CTNNA3: variants seen among roughly 807,000 people sequenced by gnomAD.
CTNNA3 encodes the protein catenin alpha 3.
CTNNA3 carries 76 observed loss-of-function variants against 95.7 expected under a neutral mutation model. The ratio of observed to expected loss-of-function variants is 0.79; its 90% CI spans 0.66 to 0.96. The LOEUF is 0.96. Among genes scored for constraint, CTNNA3 ranks in the 40% least tolerant of loss-of-function variants. The pLI is 0.00. For synonymous variants in CTNNA3, 431 were observed against 374.4 expected (o/e 1.15, Z -1.74); for missense variants, 1,191 against 1,089.8 (o/e 1.09, Z -1.31).
chr10:66,751,555 C>T (rs1050654770), intron 9 of CTNNA3, among the ~76,000 whole-genome samples: 1 of 152,088 alleles, frequency 6.6e-6, no homozygotes, highest in African/African-American at 2.4e-5. Flanking sequence ...GTGTGCTGTC[C>T]ATAGACATTG....
chr10:66,438,198 G>A (rs917125149), intron 11 of CTNNA3, among the ~76,000 whole-genome samples: 3 of 152,220 alleles, frequency 2.0e-5, no homozygotes, highest in Admixed American at 6.5e-5. Flanking sequence ...TGAGGAGGCA[G>A]TCTGTCCCTT....
intron 1 of CTNNA3, among the ~76,000 whole-genome samples, chr10:67,659,759 C>T (rs937800008): frequency 3.5e-4 from 54 of 152,336 alleles, no homozygotes; most frequent in African/African-American, 1.3e-3. Flanking sequence ...TGCTGCAAGT[C>T]CAGTGAGCCT....
chr10:67,324,041 T>C (rs1032239527), intron 5 of CTNNA3, among the ~76,000 whole-genome samples: 1 of 152,150 alleles, frequency 6.6e-6, no homozygotes, highest in African/African-American at 2.4e-5. Flanking sequence ...ATAGAAACAT[T>C]AGTAATTTTT....
At chr10:66,769,545 G>T (rs1237241955) in intron 8 of CTNNA3, among the ~76,000 whole-genome samples, 1 of 152,144 alleles carries the variant, frequency 6.6e-6, no homozygotes, top group Non-Finnish European at 1.5e-5. Flanking sequence ...TTGCTGGGGG[G>T]AACAGTTCCA....
intron 10 of CTNNA3, among the ~76,000 whole-genome samples, chr10:66,613,421 T>C (rs1489937781): frequency 6.6e-6 from 1 of 152,002 alleles, no homozygotes; most frequent in East Asian, 1.9e-4. Context: ...CCGTAAGTAT[T>C]TGTTGAATGA....
At chr10:66,256,322 T>A (rs2090771328) in intron 13 of CTNNA3, among the ~76,000 whole-genome samples, 1 of 152,102 alleles carries the variant, frequency 6.6e-6, no homozygotes, top group African/African-American at 2.4e-5. Context: ...TCCAAAGACG[T>A]CAGACAAAAA....
At chr10:66,504,659 T>G (rs1350763405) in intron 11 of CTNNA3, among the ~76,000 whole-genome samples, 1 of 152,150 alleles carries the variant, frequency 6.6e-6, no homozygotes. Flanking sequence ...TCCTAAAGGA[T>G]TCACCATATT....
intron 1 of CTNNA3, among the ~76,000 whole-genome samples, chr10:67,681,884 G>A (rs754767473): frequency 2.8e-4 from 43 of 152,230 alleles, no homozygotes; most frequent in Middle Eastern, 3.4e-3. Flanking sequence ...TCAGCCAGGC[G>A]TGGTGGCTCA....
chr10:67,112,049 T>TA (rs1387238345), intron 7 of CTNNA3, among the ~76,000 whole-genome samples: 8 of 152,270 alleles, frequency 5.3e-5, no homozygotes, highest in African/African-American at 1.9e-4. Context: ...GAAAAGCTAT[T>TA]AAATGAATCA....
chr10:67,478,408 G>C (rs1848097905), intron 5 of CTNNA3, among the ~76,000 whole-genome samples: 1 of 152,132 alleles, frequency 6.6e-6, no homozygotes, highest in Non-Finnish European at 1.5e-5. Flanking sequence ...ACATAAAGGG[G>C]AATCCCATCA....
At chr10:66,797,360 C>G (rs2132222698) in intron 7 of CTNNA3, among the ~76,000 whole-genome samples, 1 of 149,128 alleles carries the variant, frequency 6.7e-6, no homozygotes. Flanking sequence ...ACCACACTAG[C>G]AGCCCCACAA....
intron 9 of CTNNA3, among the ~76,000 whole-genome samples, chr10:66,633,255 A>G (rs926607922): frequency 4.0e-4 from 61 of 152,322 alleles, no homozygotes; most frequent in African/African-American, 1.3e-3. Context: ...TAAATATTTA[A>G]CAGTGGAGAA....
rs144684195 is a variant in CTNNA3, at chr10:67,323,292, C to T, written c.580-103422G>A. 7.2e-5 allele frequency among the ~76,000 whole-genome samples: 11 copies of T among 152,200 alleles called. No individual in the cohort carries two copies. The East Asian group carries it at 1.9e-3, about 27-fold the overall frequency. Reference sequence around the variant, plus strand: ...GTGTCTTTGTCATTAAATCATTGCCCATGCCTATGTACAGAATGGTATTGA... The same window carrying T: ...GTGTCTTTGTCATTAAATCATTGCCTATGCCTATGTACAGAATGGTATTGA... On this transcript the variant is annotated intron_variant, in intron 5 of 17. Transcript: ENST00000433211.
chr10:66,069,164 A>C (rs976494498), intron 15 of CTNNA3, 144 bp downstream of exon 15: 5 of 716,912 alleles, frequency 7.0e-6, no homozygotes, highest in Non-Finnish European at 1.2e-5. Context: ...AGAATTGTAC[A>C]CCTACAACTT....
chr10:67,715,849 C>T (rs556895309), intron 1 of CTNNA3, among the ~76,000 whole-genome samples: 58 of 152,262 alleles, frequency 3.8e-4, no homozygotes, highest in Non-Finnish European at 7.2e-4. Context: ...ACATTAGTAT[C>T]TACACAGGTG....
intron 5 of CTNNA3, among the ~76,000 whole-genome samples, chr10:67,271,273 G>T (rs576734725): frequency 6.6e-6 from 1 of 152,186 alleles, no homozygotes. Flanking sequence ...GAGAGACCAG[G>T]TGGAGTAATC....
At chr10:67,078,448 C>T (rs1402506162) in intron 7 of CTNNA3, among the ~76,000 whole-genome samples, 1 of 152,038 alleles carries the variant, frequency 6.6e-6, no homozygotes, top group Non-Finnish European at 1.5e-5. Flanking sequence ...TGTTACTCCC[C>T]TTAAATTATT....
chr10:67,108,654 A>G (rs1246664552), intron 7 of CTNNA3, among the ~76,000 whole-genome samples: 1 of 152,194 alleles, frequency 6.6e-6, no homozygotes, highest in Non-Finnish European at 1.5e-5. Context: ...TCACAGAGTA[A>G]ATGCTACTTG....
intron 11 of CTNNA3, among the ~76,000 whole-genome samples, chr10:66,443,573 T>C (rs1157036814): frequency 6.6e-6 from 1 of 152,020 alleles, no homozygotes; most frequent in Admixed American, 6.6e-5. Context: ...GGGTCTGGAG[T>C]GGACCTCTAG....
Sources: gnomAD v4.1 joint callset for allele counts (sites outside exome capture counted in the v4.1 genomes callset) on GRCh38, gnomAD v4.1.1 for gene constraint, MANE v1.5 for transcripts, NCBI Gene and HGNC (gene_info 2026-07-23, HGNC 2026-07-21) for gene names.